MTMR3: variants seen among roughly 807,000 people sequenced by gnomAD.
MTMR3 encodes the protein phosphatidylinositol-3,5-bisphosphate 3-phosphatase MTMR3.
MTMR3 carries 32 observed loss-of-function variants against 132.4 expected under a neutral mutation model. That is an observed-to-expected ratio of 0.24 (90% CI 0.18 to 0.32). The LOEUF is 0.32. Among genes scored for constraint, MTMR3 ranks in the 10% least tolerant of loss-of-function variants. MTMR3 has a pLI of 1.00. For synonymous variants in MTMR3, 556 were observed against 550.3 expected (o/e 1.01, Z -0.14); for missense variants, 1,216 against 1,489.6 (o/e 0.82, Z 3.02).
chr22:29,942,307 G>A (rs145257230), intron 1 of MTMR3, among the ~76,000 whole-genome samples: 32 of 152,304 alleles, frequency 2.1e-4, no homozygotes, highest in African/African-American at 7.0e-4. Context: ...TGTACGAATA[G>A]GGTGTGGGTC....
intron 1 of MTMR3, among the ~76,000 whole-genome samples, chr22:29,911,418 C>G (rs1241106711): frequency 6.6e-6 from 1 of 152,058 alleles, no homozygotes; most frequent in Non-Finnish European, 1.5e-5. Flanking sequence ...TAGCACACGC[C>G]TGTGGTCCCA....
At chr22:30,006,809 C>T (rs1044985112) in intron 9 of MTMR3, 2 of 324,950 alleles carry the variant, frequency 6.2e-6, no homozygotes, top group Non-Finnish European at 1.2e-5. Context: ...GATCCTCCTG[C>T]CTCAGCCTCT....
chr22:29,884,371 GATT>G (rs1456516601), intron 1 of MTMR3, among the ~76,000 whole-genome samples: 2 of 152,116 alleles, frequency 1.3e-5, no homozygotes, highest in Non-Finnish European at 2.9e-5. Flanking sequence ...AATTACAGGA[GATT>G]ATTATTATTT....
chr22:29,914,010 A>G (rs1372703866), intron 1 of MTMR3, among the ~76,000 whole-genome samples: 2 of 152,072 alleles, frequency 1.3e-5, no homozygotes, highest in Admixed American at 6.5e-5. Context: ...TCAACCTCCC[A>G]AAGTGCTGGG....
At chr22:29,996,472 T>C (rs1396676825) in intron 7 of MTMR3, 1 of 152,348 alleles carries the variant, frequency 6.6e-6, no homozygotes, top group East Asian at 1.9e-4. Flanking sequence ...CAAGATCCTT[T>C]AAGGGTATCT....
chr22:29,928,159 CA>C (rs1196732694), intron 1 of MTMR3, among the ~76,000 whole-genome samples: 2 of 136,832 alleles, frequency 1.5e-5, no homozygotes. Flanking sequence ...GTAATCACTA[CA>C]TTTTTTTTTT....
intron 9 of MTMR3, chr22:30,004,274 G>C (rs926765970): frequency 6.6e-6 from 1 of 152,190 alleles, no homozygotes; most frequent in Non-Finnish European, 1.5e-5. Context: ...TCAATGATCA[G>C]CTCAGCTGGA....
At chr22:29,916,812 A>G (rs939735128) in intron 1 of MTMR3, among the ~76,000 whole-genome samples, 1 of 152,202 alleles carries the variant, frequency 6.6e-6, no homozygotes, top group African/African-American at 2.4e-5. Flanking sequence ...ATTGTTCATT[A>G]CAGGATTTTG....
intron 3 of MTMR3, among the ~76,000 whole-genome samples, chr22:29,972,641 G>A (rs1028768211): frequency 1.3e-5 from 2 of 152,150 alleles, no homozygotes; most frequent in Non-Finnish European, 2.9e-5. Context: ...TGCGATCTCG[G>A]CTCACTGCAA....
intron 16 of MTMR3, chr22:30,019,215 A>G (rs1340149114): frequency 1.4e-5 from 5 of 359,508 alleles, no homozygotes; most frequent in South Asian, 5.2e-5. Flanking sequence ...AAAAAAAAAA[A>G]AAAGAAAATA....
intron 1 of MTMR3, among the ~76,000 whole-genome samples, chr22:29,926,120 T>C (rs1430434194): frequency 6.6e-6 from 1 of 152,192 alleles, no homozygotes; most frequent in Non-Finnish European, 1.5e-5. Context: ...TATTTTGATA[T>C]TTTATTTAAA....
intron 2 of MTMR3, among the ~76,000 whole-genome samples, chr22:29,967,150 T>C (rs2066437291): frequency 6.6e-6 from 1 of 151,760 alleles, no homozygotes. Flanking sequence ...CGTTTATTTT[T>C]ATCTTATGAA....
chr22:29,917,882 T>G (rs959971656), intron 1 of MTMR3, among the ~76,000 whole-genome samples: 1 of 152,250 alleles, frequency 6.6e-6, no homozygotes, highest in Non-Finnish European at 1.5e-5. Context: ...AAGTAAGATC[T>G]TTTTGTAGCT....
intron 1 of MTMR3, among the ~76,000 whole-genome samples, chr22:29,886,938 A>G (rs553466807): frequency 1.3e-5 from 2 of 152,320 alleles, no homozygotes; most frequent in East Asian, 1.9e-4. Context: ...GTAATTTTCT[A>G]TGATGAATAT....
rs548895112 is a variant in MTMR3 at position 29,932,963 on chromosome 22, A to G, written c.-137-24073A>G. Among the ~76,000 whole-genome samples the G allele has an allele frequency of 6.6e-5, 10 of 152,086 alleles. No individual in the cohort carries two copies. In the South Asian group the frequency reaches 2.1e-3, roughly 32 times the overall value. Reference sequence around the variant, plus strand: ...TACTTGAGAGTTTATTTCTTTTTATAAAATTTTAAAATTTTTATTTTTTGA... The same window carrying G: ...TACTTGAGAGTTTATTTCTTTTTATGAAATTTTAAAATTTTTATTTTTTGA... On this transcript the variant is annotated intron_variant, in intron 1 of 19. Coordinates refer to ENST00000401950, the MANE Select transcript of MTMR3 (RefSeq NM_021090.4).
chr22:29,944,749 A>G (rs1464674798), intron 1 of MTMR3, among the ~76,000 whole-genome samples: 1 of 152,250 alleles, frequency 6.6e-6, no homozygotes, highest in Non-Finnish European at 1.5e-5. Flanking sequence ...CTTTATTTGC[A>G]GTAGATCTTT....
chr22:29,945,104 C>T (rs1234384311), intron 1 of MTMR3, among the ~76,000 whole-genome samples: 1 of 152,150 alleles, frequency 6.6e-6, no homozygotes, highest in African/African-American at 2.4e-5. Context: ...CCTCAGCCTC[C>T]TGGACTCGAG....
chr22:29,893,836 T>G (rs1360963964), intron 1 of MTMR3, among the ~76,000 whole-genome samples: 6 of 152,090 alleles, frequency 3.9e-5, no homozygotes, highest in Non-Finnish European at 7.4e-5. Context: ...TAGGAAAAAC[T>G]GCTATTTTAT....
intron 1 of MTMR3, among the ~76,000 whole-genome samples, chr22:29,911,876 A>C (rs1262634779): frequency 6.6e-6 from 1 of 152,186 alleles, no homozygotes; most frequent in Non-Finnish European, 1.5e-5. Flanking sequence ...ACAGTGTAGA[A>C]GTTTCCCTTA....
Sources: allele counts gnomAD v4.1 joint callset (sites outside exome capture counted in the v4.1 genomes callset), GRCh38; gene constraint gnomAD v4.1.1; transcripts MANE v1.5; gene names NCBI Gene and HGNC (gene_info 2026-07-23, HGNC 2026-07-21).